Variants in DMD observed in about 807,000 individuals in gnomAD.
The protein encoded by DMD is mutant dystrophin.
Under a neutral mutation model 330.1 loss-of-function variants are expected in DMD, and 63 were observed. The ratio of observed to expected loss-of-function variants is 0.19; its 90% CI spans 0.16 to 0.24. DMD has a LOEUF of 0.24. DMD is among the 10% of genes least tolerant of loss of function. The probability of loss-of-function intolerance (pLI) is 1.00; values close to 1 mark genes in which losing one functional copy is unlikely to be tolerated. For missense variants in DMD, 3,344 were observed against 2,684.1 expected (o/e 1.25, Z -5.43); for synonymous variants, 1,223 against 959.8 (o/e 1.27, Z -5.07).
chrX:31,284,586 T>TC (rs1491205161), intron 62 of DMD, among the ~76,000 whole-genome samples: 2 of 98,697 alleles, frequency 2.0e-5, no homozygotes, highest in Admixed American at 1.1e-4. Context: ...TTCTTCTTCT[T>TC]CTTCTTCTTC....
Position 31,586,212 on chromosome X carries a change from C to T in DMD, c.8217+41461G>A, listed in dbSNP as rs751664577. ...GGGGGAAAAATAAAAAGAAAGTTTTCTATTAATTAAAAACGTAGAATTCAA... is the reference window on the plus strand; with the variant it reads ...GGGGGAAAAATAAAAAGAAAGTTTTTTATTAATTAAAAACGTAGAATTCAA... On this transcript the variant is annotated intron_variant, in intron 55 of 78. Transcript: ENST00000357033. 5.4e-5 allele frequency among the ~76,000 whole-genome samples: 6 copies of T among 111,892 alleles called. No homozygotes were observed. The South Asian group carries it at 2.2e-3, about 42-fold the overall frequency.
chrX:32,823,158 G>A, intron 5 of DMD, 137 bp downstream of exon 5: 2 of 508,830 alleles, frequency 3.9e-6, no homozygotes, highest in South Asian at 5.7e-5. Flanking sequence ...CGACATGGTA[G>A]TGTCAATTTA....
intron 47 of DMD, among the ~76,000 whole-genome samples, chrX:31,895,620 A>C (rs1043784001): frequency 8.9e-6 from 1 of 111,763 alleles, no homozygotes; most frequent in African/African-American, 3.2e-5. Flanking sequence ...TTTTGAAAAG[A>C]GTTTATACAA....
intron 62 of DMD, among the ~76,000 whole-genome samples, chrX:31,310,919 T>C (rs1488102582): frequency 9.0e-6 from 1 of 111,093 alleles, no homozygotes; most frequent in Non-Finnish European, 1.9e-5. Flanking sequence ...TTCAAAAACA[T>C]ATTAATTGCC....
intron 37 of DMD, among the ~76,000 whole-genome samples, chrX:32,361,311 C>A (rs953433701): frequency 9.0e-6 from 1 of 111,230 alleles, no homozygotes; most frequent in Non-Finnish European, 1.9e-5. Context: ...ATTTTAAGAG[C>A]CTGTCACATT....
chrX:31,324,897 G>T (rs779067845), intron 61 of DMD, among the ~76,000 whole-genome samples: 1 of 112,208 alleles, frequency 8.9e-6, no homozygotes, highest in African/African-American at 3.2e-5. Context: ...CAATTTAAGC[G>T]TAATGAAACT....
intron 42 of DMD, among the ~76,000 whole-genome samples, chrX:32,290,368 A>G (rs192056982): frequency 1.4e-4 from 16 of 112,293 alleles, no homozygotes; most frequent in African/African-American, 4.5e-4. Context: ...TTTGAAATCT[A>G]TGACTACAGG....
chrX:31,284,588 TTCTTCTTCTTCTTCTTC>T (rs1422554650), intron 62 of DMD, among the ~76,000 whole-genome samples: 3 of 99,272 alleles, frequency 3.0e-5, no homozygotes, highest in Non-Finnish European at 6.0e-5. Context: ...CTTCTTCTTC[TTCTTCTTCTTCTTCTTC>T]TTTTTTTTGG....
At position 31,777,890 on chromosome X, in the gene DMD, G is replaced by A. The variant is rs949324105; in HGVS notation, c.7310-3698C>T. ...TATTGGCTCCTCATGTTCTACATTC[G>A]TATGGGATTTTATGCTCTGTACTCT... On this transcript the variant is annotated intron_variant, in intron 50 of 78. Coordinates refer to ENST00000357033, the MANE Select transcript of DMD (RefSeq NM_004006.3). Among the ~76,000 whole-genome samples the A allele has an allele frequency of 3.6e-5, 4 of 111,335 alleles. No homozygotes were observed. In the East Asian group the frequency reaches 8.5e-4, roughly 24 times the overall value.
At chrX:33,054,795 G>A (rs964526790) in intron 1 of DMD, among the ~76,000 whole-genome samples, 2 of 111,979 alleles carry the variant, frequency 1.8e-5, no homozygotes, top group Non-Finnish European at 3.8e-5. Context: ...CAGTGATCTC[G>A]AGGGAGAATG....
At chrX:31,387,413 T>G (rs1006255422) in intron 60 of DMD, among the ~76,000 whole-genome samples, 1 of 110,888 alleles carries the variant, frequency 9.0e-6, no homozygotes, top group Non-Finnish European at 1.9e-5. Context: ...TTTTTTTTTT[T>G]GTTTGAGACA....
chrX:32,719,729 T>G (rs1017488074), intron 7 of DMD, among the ~76,000 whole-genome samples: 2 of 111,296 alleles, frequency 1.8e-5, no homozygotes, highest in Non-Finnish European at 3.8e-5. Context: ...TGATACTTTT[T>G]TTTTCATTTA....
chrX:32,072,739 T>C lies in DMD; in HGVS notation c.6439-104225A>G, dbSNP rs780933239. 1.1e-3 allele frequency among the ~76,000 whole-genome samples: 122 copies of C among 112,095 alleles called. 1 individual carries two copies. Among genetic ancestry groups the C allele is most frequent in the African/African-American group, 3.7e-3 (113 of 30,918 alleles). On this transcript the variant is annotated intron_variant, in intron 44 of 78. Transcript: ENST00000357033. The stretch of plus-strand genomic sequence containing the variant: ...TAATAGAAACCTAAGAGAAATTAGC[T>C]CTTTTTTGATCATCTTAGGTAGCCT...
intron 17 of DMD, among the ~76,000 whole-genome samples, chrX:32,539,161 GATTTCT>G (rs1450007798): frequency 1.1e-5 from 1 of 88,544 alleles, no homozygotes; most frequent in Non-Finnish European, 2.1e-5. Context: ...TGGTATGCAA[GATTTCT>G]ATTTCTTTTT....
chrX:32,549,648 A>T lies in DMD; in HGVS notation c.1993-4314T>A, dbSNP rs184972742. 2.6e-4 allele frequency among the ~76,000 whole-genome samples: 29 copies of T among 112,157 alleles called. No homozygotes were observed. The East Asian group carries it at 8.1e-3, about 32-fold the overall frequency. On this transcript the variant is annotated intron_variant, in intron 16 of 78. Transcript: ENST00000357033. ...CTTACTCATAAGATTACATATGTTA[A>T]AAAGATTTAAACTTTAAAATTTACA...
At chrX:31,877,186 G>A (rs999589519) in intron 47 of DMD, among the ~76,000 whole-genome samples, 6 of 112,081 alleles carry the variant, frequency 5.4e-5, no homozygotes, top group Admixed American at 9.4e-5. Context: ...ACAGTGAAAC[G>A]TCTTGTAAAT....
chrX:32,744,263 T>C (rs1271241084), intron 7 of DMD, among the ~76,000 whole-genome samples: 2 of 110,224 alleles, frequency 1.8e-5, no homozygotes, highest in African/African-American at 6.6e-5. Context: ...ATTTGCCAAA[T>C]CTAATAAACT....
intron 44 of DMD, among the ~76,000 whole-genome samples, chrX:32,063,435 A>G (rs150666431): frequency 0.016 from 1,769 of 111,039 alleles, 39 homozygotes; most frequent in African/African-American, 0.054. Context: ...CTTTAGAGCT[A>G]GCCATAGAAA....
chrX:31,740,573 C>T (rs889070311), intron 51 of DMD, among the ~76,000 whole-genome samples: 4 of 112,345 alleles, frequency 3.6e-5, no homozygotes, highest in Admixed American at 9.4e-5. Context: ...GTTATGTTTA[C>T]ACTCTACTAT....
Sources: allele counts gnomAD v4.1 joint callset (sites outside exome capture counted in the v4.1 genomes callset), GRCh38; gene constraint gnomAD v4.1.1; transcripts MANE v1.5; gene names NCBI Gene and HGNC (gene_info 2026-07-23, HGNC 2026-07-21).